Variants in DLC1 observed in about 807,000 individuals in gnomAD.
DLC1 encodes the protein DLC1 Rho GTPase activating protein.
A neutral mutation model predicts 140.3 loss-of-function variants in DLC1; 54 were observed. The ratio of observed to expected loss-of-function variants is 0.38; its 90% CI spans 0.31 to 0.48. The LOEUF (loss-of-function observed/expected upper bound fraction) is 0.48. Ranked by LOEUF, DLC1 falls within the 20% of genes least tolerant of loss-of-function variation. DLC1 has a pLI of 0.96. For missense variants in DLC1, 2,536 were observed against 1,907.0 expected, an observed-to-expected ratio of 1.33 and a Z score of -6.14; for synonymous variants, 986 against 728.1, an observed-to-expected ratio of 1.35 and a Z score of -5.70.
At chr8:13,534,684 T>A (rs2117314694) in intron 1 of DLC1, among the ~76,000 whole-genome samples, 1 of 152,326 alleles carries the variant, frequency 6.6e-6, no homozygotes, top group African/African-American at 2.4e-5. Context: ...TGTTTGCCTG[T>A]CATTCGCGTG....
intron 5 of DLC1, among the ~76,000 whole-genome samples, chr8:13,283,330 A>C (rs192176040): frequency 6.6e-6 from 1 of 152,038 alleles, no homozygotes; most frequent in African/African-American, 2.4e-5. Context: ...ACACACAGAA[A>C]AGAAATCAAC....
At chr8:13,446,636 G>A (rs886741699) in intron 2 of DLC1, among the ~76,000 whole-genome samples, 1 of 151,944 alleles carries the variant, frequency 6.6e-6, no homozygotes, top group Non-Finnish European at 1.5e-5. Flanking sequence ...GAAGGGAAGG[G>A]AAGAAGAAAA....
intron 2 of DLC1, among the ~76,000 whole-genome samples, chr8:13,417,043 T>G (rs1300430627): frequency 4.6e-5 from 7 of 152,100 alleles, no homozygotes; most frequent in African/African-American, 1.4e-4. Context: ...GTCGGGCTAG[T>G]TAAAATGACT....
intron 4 of DLC1, among the ~76,000 whole-genome samples, chr8:13,392,452 C>A (rs1341628622): frequency 6.6e-6 from 1 of 152,118 alleles, no homozygotes; most frequent in East Asian, 1.9e-4. Context: ...GACATATTTT[C>A]ATTCTTCTTG....
At chr8:13,551,216 A>G (rs552593199) in intron 1 of DLC1, among the ~76,000 whole-genome samples, 22,722 of 151,978 alleles carry the variant, frequency 0.15, 1,903 homozygotes, top group African/African-American at 0.22. Context: ...CAGAAAAGTC[A>G]GTTGTAGTCG....
intron 5 of DLC1, chr8:13,276,357 G>A (rs1413649542): frequency 3.3e-6 from 5 of 1,523,032 alleles, no homozygotes; most frequent in African/African-American, 1.4e-5. Context: ...CCGGAGAGGG[G>A]CTCGCAGGGG....
At chr8:13,570,199 C>T (rs1804596626) in intron 1 of DLC1, among the ~76,000 whole-genome samples, 1 of 152,130 alleles carries the variant, frequency 6.6e-6, no homozygotes, top group South Asian at 2.1e-4. Flanking sequence ...CATGTAATCC[C>T]TCCCCACTAT....
chr8:13,498,872 T>C, intron 2 of DLC1, 177 bp downstream of exon 2: 1 of 640,592 alleles, frequency 1.6e-6, no homozygotes, highest in South Asian at 2.9e-5. Context: ...ATTATTATTC[T>C]TTAATTTTTA....
At chr8:13,158,741 C>CA (rs1824447107) in intron 5 of DLC1, among the ~76,000 whole-genome samples, 1 of 100,932 alleles carries the variant, frequency 9.9e-6, no homozygotes, top group African/African-American at 3.8e-5. Flanking sequence ...CCTCCCCCCC[C>CA]CCCCCCGCCC....
intron 5 of DLC1, among the ~76,000 whole-genome samples, chr8:13,304,016 A>T (rs1192559452): frequency 1.3e-5 from 2 of 152,088 alleles, no homozygotes; most frequent in African/African-American, 4.8e-5. Flanking sequence ...GGGGTGTGAA[A>T]AAACTTGCTG....
intron 1 of DLC1, among the ~76,000 whole-genome samples, chr8:13,552,635 A>T (rs964739987): frequency 6.6e-6 from 1 of 151,622 alleles, no homozygotes; most frequent in Non-Finnish European, 1.5e-5. Context: ...ATGTGTTCAT[A>T]GAGTATTAAT....
intron 4 of DLC1, chr8:13,339,685 A>G (rs1434235541): frequency 2.6e-5 from 4 of 152,214 alleles, no homozygotes; most frequent in Non-Finnish European, 1.5e-5. Context: ...TTATTTGTGC[A>G]TATGTATTTT....
At chr8:13,512,520 G>A (rs116244786) in intron 1 of DLC1, among the ~76,000 whole-genome samples, 1 of 152,138 alleles carries the variant, frequency 6.6e-6, no homozygotes, top group Non-Finnish European at 1.5e-5. Flanking sequence ...TCAATTAAGG[G>A]ATTGCAAACA....
intron 2 of DLC1, among the ~76,000 whole-genome samples, chr8:13,410,755 T>G (rs892237444): frequency 6.6e-6 from 1 of 152,234 alleles, no homozygotes; most frequent in East Asian, 1.9e-4. Context: ...GTACAACTAA[T>G]TTGTTATGTG....
intron 5 of DLC1, among the ~76,000 whole-genome samples, chr8:13,226,332 A>G (rs1828794649): frequency 6.6e-6 from 1 of 152,274 alleles, no homozygotes; most frequent in African/African-American, 2.4e-5. Flanking sequence ...CCTGTGTAAT[A>G]TTCAGGTAGA....
At chr8:13,400,500 C>G (rs1040425283) in intron 3 of DLC1, among the ~76,000 whole-genome samples, 1 of 152,106 alleles carries the variant, frequency 6.6e-6, no homozygotes, top group East Asian at 1.9e-4. Flanking sequence ...ATTCTGAATA[C>G]ATCTCTATTT....
At chr8:13,556,663 C>T (rs1028485504) in intron 1 of DLC1, among the ~76,000 whole-genome samples, 4 of 152,126 alleles carry the variant, frequency 2.6e-5, no homozygotes, top group African/African-American at 7.2e-5. Context: ...CAGACATAGG[C>T]TGGGCGCCTG....
At chr8:13,369,911 C>CA (rs1835654009) in intron 4 of DLC1, among the ~76,000 whole-genome samples, 1 of 7,130 alleles carries the variant, frequency 1.4e-4, no homozygotes, top group African/African-American at 2.8e-4. Context: ...AGATTTAAAA[C>CA]TTAAAAAAAA....
intron 5 of DLC1, among the ~76,000 whole-genome samples, chr8:13,118,279 A>G (rs142079773): frequency 0.015 from 2,241 of 152,258 alleles, 24 homozygotes; most frequent in Non-Finnish European, 0.023. Context: ...AGGGCCACTT[A>G]GTTAGAAAGA....
Sources: gnomAD v4.1 joint callset for allele counts (sites outside exome capture counted in the v4.1 genomes callset) on GRCh38, gnomAD v4.1.1 for gene constraint, MANE v1.5 for transcripts, NCBI Gene and HGNC (gene_info 2026-07-23, HGNC 2026-07-21) for gene names.